The following ITGBL1 variants were observed in gnomAD, a reference collection of about 807,000 sequenced individuals.
ITGBL1 encodes the protein integrin subunit beta like 1.
Under a neutral mutation model 68.5 loss-of-function variants are expected in ITGBL1, and 51 were observed. The ratio of observed to expected loss-of-function variants is 0.74; its 90% CI spans 0.59 to 0.94. The LOEUF is 0.94. Ranked by LOEUF, ITGBL1 falls within the 40% of genes least tolerant of loss-of-function variation. The pLI, the probability that ITGBL1 is intolerant of heterozygous loss-of-function variation, is 0.00. For synonymous variants in ITGBL1, 209 were observed against 227.3 expected (o/e 0.92, Z 0.72); for missense variants, 649 against 647.4 (o/e 1.00, Z -0.03).
At chr13:101,605,028 ATATATACATATACGCATATATGTG>A (rs1278333067) in intron 7 of ITGBL1, among the ~76,000 whole-genome samples, 2 of 81,234 alleles carry the variant, frequency 2.5e-5, no homozygotes, top group African/African-American at 4.5e-5. Flanking sequence ...GTGTATATGT[ATATATACATATACGCATATATGTG>A]TATATGTGTA....
intron 2 of ITGBL1, among the ~76,000 whole-genome samples, chr13:101,508,291 A>G (rs1486627146): frequency 1.4e-4 from 22 of 152,196 alleles, no homozygotes; most frequent in Admixed American, 1.4e-3. Flanking sequence ...AATACGATCA[A>G]TTCACCAAAA....
In ITGBL1 at chr13:101,542,295, G is replaced by T. The variant is rs1230732266; in HGVS notation, c.317-25404G>T. Among the ~76,000 whole-genome samples, 12 of 152,254 alleles carry T rather than the reference G, an allele frequency of 7.9e-5. No homozygotes were observed. The South Asian group carries it at 8.3e-4, about 11-fold the overall frequency. Reference sequence around the variant, plus strand: ...GGTTTCAAAGAACATCTTTATTTCTGCCTTCATTTCGTGATGTACCCAGTA... The same window carrying T: ...GGTTTCAAAGAACATCTTTATTTCTTCCTTCATTTCGTGATGTACCCAGTA... On this transcript the variant is annotated intron_variant, in intron 2 of 10. Coordinates refer to ENST00000376180, the MANE Select transcript of ITGBL1 (RefSeq NM_004791.3).
intron 7 of ITGBL1, among the ~76,000 whole-genome samples, chr13:101,603,289 A>G (rs994190442): frequency 2.6e-5 from 4 of 152,038 alleles, no homozygotes. Context: ...AGAAAACTCC[A>G]GAAAGTGTCT....
chr13:101,599,365 A>C (rs1252625504), intron 7 of ITGBL1, among the ~76,000 whole-genome samples: 2 of 151,076 alleles, frequency 1.3e-5, no homozygotes, highest in African/African-American at 2.4e-5. Context: ...GGTTGCAAAA[A>C]TTTTCTCCCA....
chr13:101,486,677 G>A (rs1230310366), intron 2 of ITGBL1, among the ~76,000 whole-genome samples: 2 of 152,148 alleles, frequency 1.3e-5, no homozygotes, highest in Non-Finnish European at 2.9e-5. Context: ...TAGACCTCTT[G>A]CAGCTTTGAA....
chr13:101,522,198 G>A (rs1357453407), intron 2 of ITGBL1, among the ~76,000 whole-genome samples: 1 of 152,072 alleles, frequency 6.6e-6, no homozygotes, highest in East Asian at 1.9e-4. Context: ...AGTCACATGG[G>A]AAGTGAAGAC....
chr13:101,601,163 G>C lies in ITGBL1; in HGVS notation c.1015+2864G>C, dbSNP rs531637146. ...CAACTTCTTCCTGGTTTAGTCTTGG[G>C]AGAGTGTATGTGTTGAGGAAATTTA... On this transcript the variant is annotated intron_variant, in intron 7 of 10. Transcript: ENST00000376180. 3.7e-4 allele frequency among the ~76,000 whole-genome samples: 57 copies of C among 152,296 alleles called. 1 individual carries two copies. The South Asian group carries it at 0.012, about 31-fold the overall frequency.
rs370592845 is a variant in ITGBL1, at chr13:101,552,670, A to G, written c.317-15029A>G. Among the ~76,000 whole-genome samples, 6 of 152,362 alleles carry G rather than the reference A, an allele frequency of 3.9e-5. No individual in the cohort carries two copies. In the East Asian group the frequency reaches 1.2e-3, roughly 29 times the overall value. On this transcript the variant is annotated intron_variant, in intron 2 of 10. Coordinates refer to ENST00000376180, the MANE Select transcript of ITGBL1 (RefSeq NM_004791.3). ...TCCCTAGGGAGTTAGAGTTAATAGA[A>G]AAGTCATTGCAATTAGAGGATTTAC...
intron 2 of ITGBL1, among the ~76,000 whole-genome samples, chr13:101,531,455 T>G (rs1240080915): frequency 9.9e-5 from 15 of 152,052 alleles, no homozygotes; most frequent in Non-Finnish European, 2.2e-4. Flanking sequence ...AAAGCAATAC[T>G]CTGGAAAGGA....
At chr13:101,485,149 A>G (rs61973749) in intron 2 of ITGBL1, among the ~76,000 whole-genome samples, 7,878 of 152,242 alleles carry the variant, frequency 0.052, 255 homozygotes, top group Middle Eastern at 0.082. Flanking sequence ...TGAAATTAAG[A>G]CTTTTTTCAG....
intron 2 of ITGBL1, among the ~76,000 whole-genome samples, chr13:101,494,839 A>C (rs895723960): frequency 6.6e-6 from 1 of 152,190 alleles, no homozygotes; most frequent in South Asian, 2.1e-4. Context: ...AAGTCTATGA[A>C]ATACTTAGTG....
chr13:101,544,487 G>A (rs933366262), intron 2 of ITGBL1, among the ~76,000 whole-genome samples: 3 of 152,174 alleles, frequency 2.0e-5, no homozygotes, highest in African/African-American at 7.2e-5. Context: ...TCCCAGCTAG[G>A]CTCCTCGGGG....
intron 2 of ITGBL1, among the ~76,000 whole-genome samples, chr13:101,530,709 T>C (rs1334293844): frequency 6.6e-6 from 1 of 152,196 alleles, no homozygotes; most frequent in African/African-American, 2.4e-5. Flanking sequence ...AGCCTTTAGC[T>C]TACAAAAAAA....
At chr13:101,597,768 G>A (rs1362734749) in intron 6 of ITGBL1, among the ~76,000 whole-genome samples, 1 of 151,894 alleles carries the variant, frequency 6.6e-6, no homozygotes, top group African/African-American at 2.4e-5. Context: ...TCGTCAGGCT[G>A]GTCTCAAACT....
At chr13:101,564,979 G>A (rs2050161062) in intron 2 of ITGBL1, among the ~76,000 whole-genome samples, 1 of 151,950 alleles carries the variant, frequency 6.6e-6, no homozygotes, top group Non-Finnish European at 1.5e-5. Flanking sequence ...AAATGCCCAA[G>A]ATTACCTGCA....
rs112814235 is a variant in ITGBL1 at position 101,569,025 on chromosome 13, AACACACACACACACAC to A, written c.463+1211_463+1226del. Among the ~76,000 whole-genome samples the A allele has an allele frequency of 4.5e-3, 467 of 103,732 alleles. 4 individuals are homozygous for A. The highest frequency in any genetic ancestry group is 8.9e-3 in the African/African-American group (244 of 27,484). 68.1% of individuals were successfully genotyped at this position (103,732 alleles called of 152,430 possible). On this transcript the variant is annotated intron_variant, in intron 3 of 10. Coordinates refer to ENST00000376180, the MANE Select transcript of ITGBL1 (RefSeq NM_004791.3). Reference sequence around the variant, plus strand: ...CCAATTCATAACACCCACCCCTCCAAACACACACACACACACACACACACACACACACACACACACA... The same window carrying A: ...CCAATTCATAACACCCACCCCTCCAAACACACACACACACACACACACACA...
intron 7 of ITGBL1, among the ~76,000 whole-genome samples, chr13:101,639,679 A>G (rs1404296279): frequency 6.6e-6 from 1 of 152,026 alleles, no homozygotes; most frequent in African/African-American, 2.4e-5. Context: ...TGCATTACAC[A>G]CCGTCTTGTG....
At chr13:101,565,469 A>T in intron 2 of ITGBL1, among the ~76,000 whole-genome samples, 1 of 152,122 alleles carries the variant, frequency 6.6e-6, no homozygotes, top group East Asian at 1.9e-4. Flanking sequence ...AAGCTTAGAA[A>T]GAATGTAAAG....
chr13:101,554,087 C>G (rs1233730167), intron 2 of ITGBL1, among the ~76,000 whole-genome samples: 1 of 152,118 alleles, frequency 6.6e-6, no homozygotes, highest in African/African-American at 2.4e-5. Flanking sequence ...GAGGTTTCCC[C>G]TTTTTATAAG....
Sources: gnomAD v4.1 joint callset for allele counts (sites outside exome capture counted in the v4.1 genomes callset) on GRCh38, gnomAD v4.1.1 for gene constraint, MANE v1.5 for transcripts, NCBI Gene and HGNC (gene_info 2026-07-23, HGNC 2026-07-21) for gene names.